Variants in DCBLD2 observed in about 807,000 individuals in gnomAD.
The protein encoded by DCBLD2 is discoidin, CUB and LCCL domain-containing protein 2.
In DCBLD2, 54 loss-of-function variants were observed where a neutral mutation model predicts 86.8. That is an observed-to-expected ratio of 0.62 (90% CI 0.50 to 0.78). The LOEUF is 0.78. Ranked by LOEUF, DCBLD2 falls within the 30% of genes least tolerant of loss-of-function variation. DCBLD2 has a pLI of 0.00. For synonymous variants in DCBLD2, 354 were observed against 341.3 expected, an observed-to-expected ratio of 1.04 and a Z score of -0.41; for missense variants, 908 against 954.2, an observed-to-expected ratio of 0.95 and a Z score of 0.64.
At position 98,901,188 on chromosome 3, in the gene DCBLD2, T is replaced by C. The variant is rs186164278; in HGVS notation, c.139A>G (p.Met47Val). 1,619 of 1,536,966 alleles carry C rather than the reference T, an allele frequency of 1.1e-3. 4 individuals carry two copies. The highest frequency in any genetic ancestry group is 1.2e-3 in the Non-Finnish European group (1,327 of 1,146,522). Residue 47 changes from methionine to valine, a missense_variant, in exon 1 of 16, where the codon ATG (methionine) becomes GTG (valine). Physicochemically the swap from Met to Val is conservative, Grantham distance 21 (BLOSUM62 1). Transcript: ENST00000326840. ...AGTAAGAGCAGGAGGAACAGAGGCA[T>C]GGAGAAGGAGGAGGAGTTGGAGCAG... ...PPCSNSSSFS[M>V]PLFLLLLLVL...
chr3:98,855,323 G>A (rs1942912121), intron 2 of DCBLD2, among the ~76,000 whole-genome samples: 1 of 152,148 alleles, frequency 6.6e-6, no homozygotes, highest in African/African-American at 2.4e-5. Context: ...CAGTTAACAT[G>A]GAGAAAAGCA....
At chr3:98,818,897 T>C (rs1942068308) in intron 8 of DCBLD2, among the ~76,000 whole-genome samples, 1 of 152,280 alleles carries the variant, frequency 6.6e-6, no homozygotes, top group South Asian at 2.1e-4. Flanking sequence ...AGCTTGCAGA[T>C]GGCCTACTGT....
At chr3:98,837,899 C>T (rs1361241484) in intron 3 of DCBLD2, among the ~76,000 whole-genome samples, 293 of 110,278 alleles carry the variant, frequency 2.7e-3, no homozygotes, top group East Asian at 0.021. Flanking sequence ...CCGGATGGGG[C>T]GGCTGGCCGG....
At chr3:98,866,898 G>A (rs564958390) in intron 2 of DCBLD2, among the ~76,000 whole-genome samples, 2 of 152,204 alleles carry the variant, frequency 1.3e-5, no homozygotes, top group Non-Finnish European at 2.9e-5. Context: ...GTGTAAGGAA[G>A]GGATCCAGTT....
intron 3 of DCBLD2, among the ~76,000 whole-genome samples, chr3:98,849,083 T>G (rs533264333): frequency 6.6e-6 from 1 of 151,924 alleles, no homozygotes; most frequent in South Asian, 2.1e-4. Flanking sequence ...ACAGGAGAAT[T>G]GCTTGAACCC....
Position 98,812,223 on chromosome 3 carries a change from G to A in DCBLD2, c.1363+109C>T, listed in dbSNP as rs962187488. On this transcript the variant is annotated intron_variant, in intron 10 of 15. Coordinates refer to ENST00000326840, the MANE Select transcript of DCBLD2 (RefSeq NM_080927.4). ...CCTTTAAGAAGATATTGTAATTAGA[G>A]TTTAACCAGAAAGACACTCACATTA... The A allele has an allele frequency of 6.3e-6, 9 of 1,420,518 alleles. No homozygotes were observed. In the Admixed American group the frequency reaches 1.7e-4, roughly 27 times the overall value. 88.0% of individuals were successfully genotyped at this position (1,420,518 alleles called of 1,614,324 possible).
chr3:98,870,737 A>AAAAGAAAGAAAG (rs199615171), intron 2 of DCBLD2, among the ~76,000 whole-genome samples: 712 of 69,754 alleles, frequency 0.01, 17 homozygotes, highest in Admixed American at 0.012. Flanking sequence ...AAAAGAAAGA[A>AAAAGAAAGAAAG]AAAGAAAGAA....
chr3:98,901,115 C>T lies in DCBLD2; in HGVS notation c.205+7G>A. 6.5e-7 allele frequency: 1 copy of T among 1,539,674 alleles called. No homozygotes were observed. The highest frequency in any genetic ancestry group is 8.7e-7 in the Non-Finnish European group (1 of 1,146,726). On this transcript the variant is annotated splice_region_variant and intron_variant, in intron 1 of 15. Coordinates refer to ENST00000326840, the MANE Select transcript of DCBLD2 (RefSeq NM_080927.4). The stretch of plus-strand genomic sequence containing the variant: ...CCCCCGCCGCTCACTCCCCTGGGAC[C>T]ACTCACCTTGCTGGGCTCCAGCGTC...
intron 1 of DCBLD2, among the ~76,000 whole-genome samples, chr3:98,884,175 AC>A (rs774281685): frequency 4.3e-4 from 65 of 152,112 alleles, no homozygotes; most frequent in Non-Finnish European, 8.5e-4. Flanking sequence ...AAAGGTCAGT[AC>A]TAGAAATCTG....
chr3:98,874,846 C>T (rs538545860), intron 2 of DCBLD2, among the ~76,000 whole-genome samples: 167 of 152,308 alleles, frequency 1.1e-3, no homozygotes, highest in African/African-American at 3.9e-3. Context: ...GAAGAGAGCC[C>T]TCACCAGAAA....
intron 2 of DCBLD2, among the ~76,000 whole-genome samples, chr3:98,870,811 A>AAGAAAGAAAGGC (rs1559794698): frequency 7.5e-6 from 1 of 133,402 alleles, no homozygotes; most frequent in Non-Finnish European, 1.6e-5. Flanking sequence ...GAAAGAAAGA[A>AAGAAAGAAAGGC]AGGTAGGCAG....
At position 98,797,359 on chromosome 3, in the gene DCBLD2, T is replaced by C. The variant is rs553141388; in HGVS notation, c.*2013A>G. On this transcript the variant is annotated 3_prime_UTR_variant, in exon 16 of 16. Transcript: ENST00000326840. ...CAGGTATACACAATTAACACAAGAATAGCAAACTTCTTTGGGAAAATGAAA... is the reference window on the plus strand; with the variant it reads ...CAGGTATACACAATTAACACAAGAACAGCAAACTTCTTTGGGAAAATGAAA... The C allele has an allele frequency of 1.3e-5, 2 of 151,220 alleles. No homozygotes were observed. The highest frequency in any genetic ancestry group is 3.0e-5 in the Non-Finnish European group (2 of 67,728). 9.4% of individuals were successfully genotyped at this position (151,220 alleles called of 1,614,324 possible).
At position 98,817,886 on chromosome 3, in the gene DCBLD2, TATA is replaced by T; in HGVS notation, c.1092_1094del (p.Ile365del). 6.2e-7 allele frequency: 1 copy of T among 1,613,066 alleles called. No homozygotes were observed. Among genetic ancestry groups the T allele is most frequent in the East Asian group, 2.2e-5 (1 of 44,830 alleles). ...GCTCCACCATGGTGGATCCAGTGGT[TATA>T]ATGCCTGGGGAATGAAGAGTTGCTT... On this transcript the variant is annotated inframe_deletion, in exon 9 of 16. Transcript: ENST00000326840.
At chr3:98,833,020 G>A (rs1278155471) in intron 3 of DCBLD2, among the ~76,000 whole-genome samples, 2 of 152,174 alleles carry the variant, frequency 1.3e-5, no homozygotes, top group Non-Finnish European at 2.9e-5. Context: ...CCTGAAATAT[G>A]TTTTCCAAGT....
At chr3:98,801,334 G>A in intron 14 of DCBLD2, 2 of 413,576 alleles carry the variant, frequency 4.8e-6, no homozygotes, top group Admixed American at 3.9e-5. Context: ...ATGAGAAACA[G>A]ATACACAGGA....
At chr3:98,832,411 A>G (rs1214894712) in intron 3 of DCBLD2, among the ~76,000 whole-genome samples, 2 of 152,088 alleles carry the variant, frequency 1.3e-5, no homozygotes, top group Non-Finnish European at 2.9e-5. Flanking sequence ...ATGCCTTTTT[A>G]AATAGGGCAT....
At position 98,901,367 on chromosome 3, in the gene DCBLD2, G is replaced by C; in HGVS notation, c.-41C>G. The C allele has an allele frequency of 7.8e-7, 1 of 1,285,636 alleles. No individual in the cohort carries two copies. The highest frequency in any genetic ancestry group is 9.8e-7 in the Non-Finnish European group (1 of 1,023,466). The allele number at this position is 1,285,636 out of a possible 1,614,324, so 79.6% of individuals were successfully genotyped here. A position where few individuals can be genotyped will look rare whatever the true frequency, so the allele number is the denominator to read the frequency against. ...TCTGCCTGCATAGTGCGGGTGCCTC[G>C]GCAGCCCCGCGCGCCTCTGGCCGCG... On this transcript the variant is annotated 5_prime_UTR_variant, in exon 1 of 16. Transcript: ENST00000326840.
At chr3:98,838,719 G>T (rs372024093) in intron 3 of DCBLD2, among the ~76,000 whole-genome samples, 11 of 152,226 alleles carry the variant, frequency 7.2e-5, no homozygotes, top group Non-Finnish European at 1.2e-4. Flanking sequence ...AGGTTGTAGC[G>T]AGCCAAGATC....
intron 1 of DCBLD2, among the ~76,000 whole-genome samples, chr3:98,888,185 T>C (rs1943594709): frequency 6.6e-6 from 1 of 152,020 alleles, no homozygotes. Flanking sequence ...TTTAAAATAC[T>C]GCATAAGATG....
Sources: gnomAD v4.1 joint callset for allele counts (sites outside exome capture counted in the v4.1 genomes callset) on GRCh38, gnomAD v4.1.1 for gene constraint, MANE v1.5 for transcripts, NCBI Gene and HGNC (gene_info 2026-07-23, HGNC 2026-07-21) for gene names.